Variants in DLG2 observed in about 807,000 individuals in gnomAD.
The protein encoded by DLG2 is disks large homolog 2.
DLG2 carries 45 observed loss-of-function variants against 132.5 expected under a neutral mutation model. The ratio of observed to expected loss-of-function variants is 0.34; its 90% CI spans 0.27 to 0.44. The LOEUF (loss-of-function observed/expected upper bound fraction) is 0.44. Ranked by LOEUF, DLG2 falls within the 20% of genes least tolerant of loss-of-function variation. The probability of loss-of-function intolerance (pLI) is 1.00; values close to 1 mark genes in which losing one functional copy is unlikely to be tolerated. For missense variants in DLG2, 1,045 were observed against 1,196.9 expected (o/e 0.87, Z 1.87); for synonymous variants, 424 against 419.6 (o/e 1.01, Z -0.13).
At chr11:84,972,355 G>A (rs935225061) in intron 6 of DLG2, among the ~76,000 whole-genome samples, 1 of 152,126 alleles carries the variant, frequency 6.6e-6, no homozygotes, top group Non-Finnish European at 1.5e-5. Flanking sequence ...CCAACACTCT[G>A]ATTAAGTTAG....
At chr11:84,271,061 T>C (rs1264570038) in intron 7 of DLG2, among the ~76,000 whole-genome samples, 4 of 152,190 alleles carry the variant, frequency 2.6e-5, no homozygotes, top group Non-Finnish European at 4.4e-5. Context: ...AGGGAATACA[T>C]AGAGTACCTT....
At chr11:84,970,136 T>C (rs11825118) in intron 6 of DLG2, among the ~76,000 whole-genome samples, 2,074 of 152,178 alleles carry the variant, frequency 0.014, 44 homozygotes, top group African/African-American at 0.046. Context: ...CTGCACGTTC[T>C]GCACATGTAT....
intron 6 of DLG2, among the ~76,000 whole-genome samples, chr11:84,785,442 G>A (rs1295092019): frequency 1.3e-5 from 2 of 151,974 alleles, no homozygotes; most frequent in Admixed American, 6.6e-5. Context: ...GTCACATGAT[G>A]TCTAATTGTC....
intron 3 of DLG2, among the ~76,000 whole-genome samples, chr11:85,444,543 T>C (rs1243991681): frequency 6.6e-6 from 1 of 152,232 alleles, no homozygotes; most frequent in African/African-American, 2.4e-5. Flanking sequence ...CAAGATCCTT[T>C]GGAGCTAGGT....
chr11:83,673,365 G>A (rs1043739084), intron 18 of DLG2, among the ~76,000 whole-genome samples: 6 of 152,042 alleles, frequency 3.9e-5, no homozygotes, highest in Admixed American at 2.6e-4. Flanking sequence ...TTTTTCTAAC[G>A]TCCTATGTTA....
At chr11:85,532,738 T>C (rs984229519) in intron 3 of DLG2, among the ~76,000 whole-genome samples, 2 of 152,230 alleles carry the variant, frequency 1.3e-5, no homozygotes, top group Non-Finnish European at 2.9e-5. Flanking sequence ...GTAAGAATTC[T>C]CTTATATACT....
intron 17 of DLG2, among the ~76,000 whole-genome samples, chr11:83,818,616 T>C: frequency 6.6e-6 from 1 of 152,106 alleles, no homozygotes; most frequent in East Asian, 1.9e-4. Context: ...AGAGGATACA[T>C]GAATAAACAG....
intron 8 of DLG2, among the ~76,000 whole-genome samples, chr11:84,167,875 A>G (rs1566789116): frequency 6.6e-6 from 1 of 152,192 alleles, no homozygotes; most frequent in Non-Finnish European, 1.5e-5. Context: ...CATGTTGACA[A>G]GGCTGGTCTC....
chr11:84,275,748 CA>C (rs1305007789), intron 7 of DLG2, among the ~76,000 whole-genome samples: 1 of 152,042 alleles, frequency 6.6e-6, no homozygotes, highest in Non-Finnish European at 1.5e-5. Context: ...GGTAAATCAG[CA>C]CAAATAACAA....
chr11:85,280,831 C>A (rs1476225893), intron 4 of DLG2, among the ~76,000 whole-genome samples: 6 of 151,974 alleles, frequency 3.9e-5, no homozygotes, highest in Non-Finnish European at 8.8e-5. Flanking sequence ...ACAAAAAAAT[C>A]AAACCTCGGA....
At chr11:83,881,587 C>T (rs1332217059) in intron 15 of DLG2, among the ~76,000 whole-genome samples, 1 of 152,150 alleles carries the variant, frequency 6.6e-6, no homozygotes, top group Admixed American at 6.5e-5. Flanking sequence ...CATCACAGAT[C>T]TCCCTCCAGT....
chr11:83,723,904 T>C (rs554648302), intron 18 of DLG2, among the ~76,000 whole-genome samples: 29 of 152,246 alleles, frequency 1.9e-4, no homozygotes, highest in African/African-American at 4.8e-4. Flanking sequence ...ACCTCAGAAA[T>C]TGTAAAATAG....
At chr11:84,972,594 T>C (rs2054256587) in intron 6 of DLG2, among the ~76,000 whole-genome samples, 1 of 152,196 alleles carries the variant, frequency 6.6e-6, no homozygotes, top group South Asian at 2.1e-4. Context: ...TATGCAAATA[T>C]GGCATCTACT....
Position 85,499,920 on chromosome 11 carries a change from T to A in DLG2, c.40+98737A>T, listed in dbSNP as rs187293610. Among the ~76,000 whole-genome samples, 35 of 152,254 alleles carry A rather than the reference T, an allele frequency of 2.3e-4. 1 individual carries two copies. Among genetic ancestry groups the A allele is most frequent in the African/African-American group, 6.7e-4 (28 of 41,550 alleles). On this transcript the variant is annotated intron_variant, in intron 3 of 27. Transcript: ENST00000376104. ...AGCCTTTCATGCTTAAATCTCCCAA[T>A]AAACTAGGTATCAATGGAACATATC...
intron 12 of DLG2, among the ~76,000 whole-genome samples, chr11:83,976,703 T>C (rs1341200263): frequency 6.6e-6 from 1 of 151,916 alleles, no homozygotes; most frequent in Non-Finnish European, 1.5e-5. Context: ...TCTGTCTTCC[T>C]TACATAAGAG....
intron 7 of DLG2, among the ~76,000 whole-genome samples, chr11:84,465,451 G>A (rs1302696102): frequency 1.3e-5 from 2 of 151,058 alleles, no homozygotes; most frequent in Non-Finnish European, 3.0e-5. Context: ...CTCATGTTAC[G>A]TGCACCATGA....
At chr11:83,795,441 A>ATATATCTATATCTATATCTATATC (rs71066068) in intron 17 of DLG2, among the ~76,000 whole-genome samples, 2 of 147,426 alleles carry the variant, frequency 1.4e-5, no homozygotes, top group African/African-American at 2.5e-5. Context: ...ATCTATATCT[A>ATATATCTATATCTATATCTATATC]TATATCTATA....
At chr11:84,791,994 C>T (rs774114439) in intron 6 of DLG2, among the ~76,000 whole-genome samples, 4 of 152,104 alleles carry the variant, frequency 2.6e-5, no homozygotes, top group Non-Finnish European at 5.9e-5. Flanking sequence ...TGAAAGTGAG[C>T]ATCCTTATCA....
chr11:84,038,465 G>A (rs529817935), intron 11 of DLG2, among the ~76,000 whole-genome samples: 6 of 151,486 alleles, frequency 4.0e-5, no homozygotes, highest in South Asian at 2.1e-4. Flanking sequence ...AACACCAGTC[G>A]GAATGGCTAT....
Sources: gnomAD v4.1 joint callset for allele counts (sites outside exome capture counted in the v4.1 genomes callset) on GRCh38, gnomAD v4.1.1 for gene constraint, MANE v1.5 for transcripts, NCBI Gene and HGNC (gene_info 2026-07-23, HGNC 2026-07-21) for gene names.